The following RANBP2 variants were observed in gnomAD, a reference collection of about 807,000 sequenced individuals.
RANBP2 encodes the protein E3 SUMO-protein ligase RanBP2.
Under a neutral mutation model 303.6 loss-of-function variants are expected in RANBP2, and 57 were observed. The ratio of observed to expected loss-of-function variants is 0.19; its 90% CI spans 0.15 to 0.23. The LOEUF (loss-of-function observed/expected upper bound fraction) is 0.23, where lower values mean the gene tolerates loss of function less well. RANBP2 is among the 10% of genes least tolerant of loss of function. The probability of loss-of-function intolerance (pLI) is 1.00; values close to 1 mark genes in which losing one functional copy is unlikely to be tolerated. For synonymous variants in RANBP2, 1,167 were observed against 1,301.5 expected (o/e 0.90, Z 2.23); for missense variants, 3,138 against 3,780.8 (o/e 0.83, Z 4.46).
the RANBP2 span, among the ~76,000 whole-genome samples, chr2:108,904,107 A>G: frequency 6.6e-6 from 1 of 152,190 alleles, no homozygotes; most frequent in African/African-American, 2.4e-5. Context: ...AAAAACCCTC[A>G]AAACTCAACA....
Position 108,751,852 on chromosome 2 carries a change from A to T in RANBP2, c.1632-19A>T, listed in dbSNP as rs1400896079. ...TGTGTATTTAGAAAGCAATTTTAGT[A>T]AATTGAACTATTTTTTAGACCTGGA... On this transcript the variant is annotated intron_variant, in intron 11 of 28. Coordinates refer to ENST00000283195, the MANE Select transcript of RANBP2 (RefSeq NM_006267.5). 1 of 1,612,018 alleles carries T rather than the reference A, an allele frequency of 6.2e-7. No individual in the cohort carries two copies. The highest frequency in any genetic ancestry group is 1.7e-5 in the Admixed American group (1 of 60,012).
the RANBP2 span, among the ~76,000 whole-genome samples, chr2:108,870,501 A>G: frequency 6.6e-6 from 1 of 152,226 alleles, no homozygotes; most frequent in Non-Finnish European, 1.5e-5. Context: ...CTACAAATCA[A>G]AGAAACTCAA....
the RANBP2 span, chr2:109,552,988 G>T: frequency 1.5e-6 from 2 of 1,324,274 alleles, no homozygotes; most frequent in Non-Finnish European, 2.1e-6. Context: ...AGAACAAGTA[G>T]CCTACAAAAG....
the RANBP2 span, among the ~76,000 whole-genome samples, chr2:108,921,892 C>T: frequency 1.2e-4 from 19 of 152,376 alleles, no homozygotes; most frequent in Non-Finnish European, 2.6e-4. Context: ...CTGCTGACCT[C>T]CTTCAGGGCC....
chr2:108,944,985 G>A, the RANBP2 span, among the ~76,000 whole-genome samples: 52,004 of 152,126 alleles, frequency 0.34, 14,442 homozygotes, highest in East Asian at 0.95. Context: ...CAAGGTTTCA[G>A]TGATCACCGT....
At chr2:109,123,044 G>T in the RANBP2 span, among the ~76,000 whole-genome samples, 1 of 152,212 alleles carries the variant, frequency 6.6e-6, no homozygotes, top group Middle Eastern at 3.2e-3. Flanking sequence ...CTCATGCCTG[G>T]TGGACGATGT....
chr2:109,429,927 C>A, the RANBP2 span, among the ~76,000 whole-genome samples: 10,035 of 147,974 alleles, frequency 0.068, 415 homozygotes, highest in South Asian at 0.1. Flanking sequence ...CCCCAGTCAG[C>A]GGGTGTAGCC....
intron 1 of RANBP2, among the ~76,000 whole-genome samples, chr2:108,726,359 A>T (rs1353804643): frequency 3.3e-5 from 5 of 152,092 alleles, no homozygotes; most frequent in Admixed American, 3.3e-4. Flanking sequence ...CCAAAGAGCA[A>T]GAGTAGCGAT....
At chr2:109,499,101 C>T in the RANBP2 span, among the ~76,000 whole-genome samples, 1 of 152,162 alleles carries the variant, frequency 6.6e-6, no homozygotes, top group East Asian at 1.9e-4. Context: ...TCAGTCCAAG[C>T]AGGGTGAAAG....
At chr2:109,777,033 A>AT in the RANBP2 span, among the ~76,000 whole-genome samples, 2 of 73,920 alleles carry the variant, frequency 2.7e-5, no homozygotes, top group Non-Finnish European at 2.9e-5. Flanking sequence ...GTTGCTTTTA[A>AT]TTTTTTTTTC....
In RANBP2 at chr2:108,772,997, G is replaced by T; in HGVS notation, c.8243G>T (p.Gly2748Val). The change falls in exon 23 of 29, where the codon GGA becomes GTA. Residue 2748 changes from glycine (G) to valine (V), a missense_variant. By Grantham distance (109) the Gly-to-Val change is moderately radical. This residue lies in a region of RANBP2 where 497 missense variants were observed against 465.8 expected (regional missense o/e 1.07). Transcript: ENST00000283195. ...GVCSDTDEDN[G>V]NGEDFQSELQ... ...TGTAGTGATACTGATGAAGACAATG[G>T]AAATGGGGAGGACTTTCAATCAGAG... 2 of 1,613,934 alleles carry T rather than the reference G, an allele frequency of 1.2e-6. No individual in the cohort carries two copies. Among genetic ancestry groups the T allele is most frequent in the Non-Finnish European group, 1.7e-6 (2 of 1,179,872 alleles).
chr2:109,634,843 C>T, the RANBP2 span, among the ~76,000 whole-genome samples: 35 of 152,268 alleles, frequency 2.3e-4, no homozygotes, highest in Non-Finnish European at 4.0e-4. Flanking sequence ...GTCACAACCA[C>T]GAATGCATGT....
At chr2:109,509,307 C>T in the RANBP2 span, among the ~76,000 whole-genome samples, 38 of 152,278 alleles carry the variant, frequency 2.5e-4, 1 homozygote, top group Admixed American at 9.8e-4. Context: ...TGCAAACCCA[C>T]GTGCCTGTAT....
the RANBP2 span, among the ~76,000 whole-genome samples, chr2:108,902,620 A>G: frequency 1.3e-5 from 2 of 152,212 alleles, no homozygotes; most frequent in Non-Finnish European, 2.9e-5. Flanking sequence ...TCATGAATAT[A>G]AATGCAAAAT....
the RANBP2 span, among the ~76,000 whole-genome samples, chr2:109,634,374 A>G: frequency 1.3e-5 from 2 of 152,086 alleles, no homozygotes; most frequent in African/African-American, 4.8e-5. Flanking sequence ...AAAGAAAAAG[A>G]TTATCTCCAA....
the RANBP2 span, among the ~76,000 whole-genome samples, chr2:109,135,904 T>TA: frequency 6.6e-6 from 1 of 152,076 alleles, no homozygotes; most frequent in African/African-American, 2.4e-5. Context: ...TAATCTGCTT[T>TA]AAAAAAACAG....
chr2:109,099,431 G>A, the RANBP2 span, among the ~76,000 whole-genome samples: 1 of 152,166 alleles, frequency 6.6e-6, no homozygotes, highest in African/African-American at 2.4e-5. Context: ...TAAATCAACA[G>A]TGGAGCAAGT....
the RANBP2 span, among the ~76,000 whole-genome samples, chr2:109,685,947 C>T: frequency 6.6e-6 from 1 of 151,972 alleles, no homozygotes; most frequent in African/African-American, 2.4e-5. Flanking sequence ...ATCTAAACCA[C>T]GAGGGAAGAT....
At chr2:109,506,184 G>A in the RANBP2 span, among the ~76,000 whole-genome samples, 1 of 152,194 alleles carries the variant, frequency 6.6e-6, no homozygotes, top group Non-Finnish European at 1.5e-5. Flanking sequence ...CCAGTGAGCT[G>A]GGCCTTCAGT....
Sources: allele counts gnomAD v4.1 joint callset (sites outside exome capture counted in the v4.1 genomes callset), GRCh38; gene constraint gnomAD v4.1.1; regional missense constraint gnomAD v4.1.1; transcripts MANE v1.5; gene names NCBI Gene and HGNC (gene_info 2026-07-23, HGNC 2026-07-21).